Variants in WDR81 observed in about 807,000 individuals in gnomAD.
The protein encoded by WDR81 is WD repeat-containing protein 81.
Under a neutral mutation model 140.8 loss-of-function variants are expected in WDR81, and 92 were observed. That is an observed-to-expected ratio of 0.65 (90% confidence interval 0.55 to 0.78). WDR81 has a LOEUF of 0.78. Ranked by LOEUF, WDR81 falls within the 30% of genes least tolerant of loss-of-function variation. The probability of loss-of-function intolerance (pLI) is 0.00; values close to 1 mark genes in which losing one functional copy is unlikely to be tolerated. For synonymous variants in WDR81, 1,183 were observed against 1,156.4 expected (o/e 1.02, Z -0.47); for missense variants, 2,502 against 2,636.4 (o/e 0.95, Z 1.12).
Position 1,726,493 on chromosome 17 carries a change from C to T in WDR81, c.1534C>T (p.Leu512=). The T allele has an allele frequency of 6.4e-7, 1 of 1,550,554 alleles. No homozygotes were observed. The highest frequency in any genetic ancestry group is 8.7e-7 in the Non-Finnish European group (1 of 1,147,030). ...CTCCATCCACCCCGACATGCCTGACCTGGATGTGCCAGCCTGGTGCAGCTC... is the reference window on the plus strand; with the variant it reads ...CTCCATCCACCCCGACATGCCTGACTTGGATGTGCCAGCCTGGTGCAGCTC... ...FRSIHPDMPD[L]DVPAWCSSSQ... Residue 512 remains leucine (L), a synonymous_variant, in exon 1 of 10, where the codon CTG becomes TTG. Coordinates refer to ENST00000409644, the MANE Select transcript of WDR81 (RefSeq NM_001163809.2).
In WDR81 at chr17:1,727,112, G is replaced by T; in HGVS notation, c.2153G>T (p.Arg718Met). The change falls in exon 1 of 10, where the codon AGG (arginine) becomes ATG (methionine). Residue 718 changes from arginine (R) to methionine (M), a missense_variant. This residue lies in a region of WDR81 where 1,737 missense variants were observed against 1,843.0 expected (regional missense o/e 0.94). Coordinates refer to ENST00000409644, the MANE Select transcript of WDR81 (RefSeq NM_001163809.2). ...GACCCTGGGGAGGGTGAGGAGGGGA[G>T]GATTCTTCTTCCCGAGGGCTTCAAT... Reference protein sequence around the residue: ...GADPGEGEEGRILLPEGFNPM... With the variant: ...GADPGEGEEGMILLPEGFNPM... 1.3e-6 allele frequency: 2 copies of T among 1,547,290 alleles called. No individual in the cohort carries two copies. The highest frequency in any genetic ancestry group is 1.7e-6 in the Non-Finnish European group (2 of 1,144,756).
At chr17:1,719,789 G>A (rs1441139285), upstream of WDR81, among the ~76,000 whole-genome samples, 1 of 151,938 alleles carries the variant, frequency 6.6e-6, no homozygotes, top group Admixed American at 6.6e-5. Flanking sequence ...GATTGCTTGA[G>A]CTCAGGAGTT....
At chr17:1,716,740 C>G (rs1288093631) in intron 1 of WDR81, 1 of 1,271,054 alleles carries the variant, frequency 7.9e-7, no homozygotes, top group Non-Finnish European at 1.1e-6. Context: ...AGACATTCCC[C>G]AAACTGACTC....
Position 1,736,165 on chromosome 17 carries a change from G to T in WDR81, c.5452G>T (p.Gly1818Cys). The change falls in exon 9 of 10, where the codon GGC (glycine) becomes TGC (cysteine). Residue 1818 changes from glycine (G) to cysteine (C), a missense_variant. By Grantham distance (159) the Gly-to-Cys change is radical. Coordinates refer to ENST00000409644, the MANE Select transcript of WDR81 (RefSeq NM_001163809.2). ...CATGGTGCTCCTGGACACCCGCACA[G>T]GCCTGGTTCTGCGAGGCTGGCCAGC... The part of the protein sequence containing the change: ...GFMVLLDTRT[G>C]LVLRGWPAHE... The T allele has an allele frequency of 6.2e-7, 1 of 1,600,362 alleles. No homozygotes were observed. The highest frequency in any genetic ancestry group is 1.1e-5 in the South Asian group (1 of 91,076).
intron 9 of WDR81, among the ~76,000 whole-genome samples, 187 bp downstream of exon 9, chr17:1,736,405 G>T (rs923608536): frequency 1.3e-5 from 2 of 152,198 alleles, no homozygotes; most frequent in Non-Finnish European, 2.9e-5. Context: ...CACTGCAGGG[G>T]TCTCAGCAGG....
chr17:1,716,892 C>T, intron 1 of WDR81: 1 of 562,378 alleles, frequency 1.8e-6, no homozygotes. Context: ...GGAGGGTGCT[C>T]GCCTCGCCCA....
At position 1,733,481 on chromosome 17, in the gene WDR81, C is replaced by T. The variant is rs559785274; in HGVS notation, c.4490-46C>T. ...GAGTCCTTGGATGGGTGATAGCAGCCGCCTGCCATCTTCCCTGTCTCAGGA... is the reference window on the plus strand; with the variant it reads ...GAGTCCTTGGATGGGTGATAGCAGCTGCCTGCCATCTTCCCTGTCTCAGGA... On this transcript the variant is annotated intron_variant, in intron 6 of 9. Coordinates refer to ENST00000409644, the MANE Select transcript of WDR81 (RefSeq NM_001163809.2). The T allele has an allele frequency of 2.9e-5, 44 of 1,494,936 alleles. No homozygotes were observed. The East Asian group carries it at 5.9e-4, about 20-fold the overall frequency. 92.6% of individuals were successfully genotyped at this position (1,494,936 alleles called of 1,614,324 possible). A position where few individuals can be genotyped will look rare whatever the true frequency, so the allele number is the denominator to read the frequency against.
intron 1 of WDR81, among the ~76,000 whole-genome samples, chr17:1,719,588 G>A (rs1914758641): frequency 6.6e-6 from 1 of 151,482 alleles, no homozygotes; most frequent in African/African-American, 2.4e-5. Flanking sequence ...ATGTGGCCAG[G>A]CACAGTGGCT....
In WDR81 at chr17:1,734,190, C is replaced by T. The variant is rs758829733; in HGVS notation, c.5153C>T (p.Ala1718Val). The T allele has an allele frequency of 1.3e-6, 2 of 1,592,646 alleles. No homozygotes were observed. The highest frequency in any genetic ancestry group is 1.7e-5 in the Admixed American group (1 of 59,656). Reference protein sequence around the residue: ...APQHVVSCDGAVHVWDPFTGK... With the variant: ...APQHVVSCDGVVHVWDPFTGK... ...CAGCACGTGGTGAGCTGTGACGGGG[C>T]TGTGCACGTCTGGGACCCCTTCACA... Residue 1718 changes from alanine to valine, a missense_variant, in exon 7 of 10, where the codon GCT becomes GTT. Ala to Val is a moderately conservative substitution (Grantham distance 64). Coordinates refer to ENST00000409644, the MANE Select transcript of WDR81 (RefSeq NM_001163809.2).
chr17:1,727,603 A>G lies in WDR81; in HGVS notation c.2644A>G (p.Arg882Gly). ...PFPPYFPALH[R>G]FILLYQARRV... Reference sequence around the variant, plus strand: ...CCCACCCTACTTCCCGGCACTGCACAGATTCATCCTCCTGTACCAGGCAAG... The same window carrying G: ...CCCACCCTACTTCCCGGCACTGCACGGATTCATCCTCCTGTACCAGGCAAG... Residue 882 changes from arginine to glycine, a missense_variant, in exon 1 of 10, where the codon AGA (arginine) becomes GGA (glycine). This residue lies in a region of WDR81 where 1,737 missense variants were observed against 1,843.0 expected (regional missense o/e 0.94). Transcript: ENST00000409644. 1 of 1,550,548 alleles carries G rather than the reference A, an allele frequency of 6.4e-7. No individual in the cohort carries two copies. The highest frequency in any genetic ancestry group is 8.7e-7 in the Non-Finnish European group (1 of 1,147,026).
At position 1,725,513 on chromosome 17, in the gene WDR81, A is replaced by G. The variant is rs1056261613; in HGVS notation, c.554A>G (p.Tyr185Cys). 8 of 1,546,142 alleles carry G rather than the reference A, an allele frequency of 5.2e-6. No homozygotes were observed. The highest frequency in any genetic ancestry group is 2.7e-5 in the African/African-American group (2 of 73,030). ...GTACGGCAGGCTCTGCAGAGGGTCT[A>G]TGGTTGCTCCTTCCTGCCAGTGGGT... ...DSVRQALQRV[Y>C]GCSFLPVGET... Residue 185 changes from tyrosine (Y) to cysteine (C), a missense_variant, in exon 1 of 10, where the codon TAT (tyrosine) becomes TGT (cysteine). By Grantham distance (194) the Tyr-to-Cys change is radical. Coordinates refer to ENST00000409644, the MANE Select transcript of WDR81 (RefSeq NM_001163809.2).
intron 6 of WDR81, 121 bp downstream of exon 6, chr17:1,732,952 G>C (rs1904489800): frequency 1.5e-6 from 2 of 1,317,984 alleles, no homozygotes; most frequent in Non-Finnish European, 2.0e-6. Context: ...GGATGGGTGA[G>C]AGCAAAGGGA....
chr17:1,724,644 C>T (rs1370083854), upstream of WDR81: 2 of 1,023,752 alleles, frequency 2.0e-6, no homozygotes, highest in Non-Finnish European at 2.3e-6. Context: ...GGGGTCCCGC[C>T]CGGGCCTCTG....
intron 6 of WDR81, among the ~76,000 whole-genome samples, 169 bp from the exon 7 acceptor site, chr17:1,733,358 T>G (rs1418453505): frequency 1.3e-5 from 2 of 152,204 alleles, no homozygotes; most frequent in East Asian, 3.9e-4. Flanking sequence ...CACAACGGAA[T>G]GAATCCACAT....
At position 1,735,084 on chromosome 17, in the gene WDR81, C is replaced by T. The variant is rs1330518204; in HGVS notation, c.5180-488C>T. 6.6e-6 allele frequency among the ~76,000 whole-genome samples: 1 copy of T among 152,000 alleles called. No homozygotes were observed. The highest frequency in any genetic ancestry group is 2.4e-5 in the African/African-American group (1 of 41,376). ...CTGTAATCTCAGCACTCTGGGAGGC[C>T]AGGAGTTGGAGACCAGACTGGCTGA... On this transcript the variant is annotated intron_variant, in intron 7 of 9. Coordinates refer to ENST00000409644, the MANE Select transcript of WDR81 (RefSeq NM_001163809.2). The surrounding 1 kb of genome is among the most constrained non-coding windows in gnomAD (Gnocchi z 4.2).
chr17:1,736,481 G>A (rs1025271499), intron 9 of WDR81, among the ~76,000 whole-genome samples: 3 of 152,180 alleles, frequency 2.0e-5, no homozygotes, highest in Non-Finnish European at 4.4e-5. Context: ...GGCTGACCCT[G>A]TTGCTCATGG....
chr17:1,725,879 AGAGGCCCGAGGAGGACGAGAATGAG>A lies in WDR81; in HGVS notation c.928_952del (p.Glu310LeufsTer33). On this transcript the variant is annotated frameshift_variant, in exon 1 of 10. Transcript: ENST00000409644. LOFTEE classifies it high-confidence loss of function. ...CTGCGACTGGACCTGAGTGCTTATG[AGAGGCCCGAGGAGGACGAGAATGAG>A]GAGGCCCCTGTGGCAAGGGATGAGG... 6.4e-7 allele frequency: 1 copy of A among 1,550,862 alleles called. No individual in the cohort carries two copies. Among genetic ancestry groups the A allele is most frequent in the Non-Finnish European group, 8.7e-7 (1 of 1,146,946 alleles).
chr17:1,730,056 G>A (rs1915579171), intron 1 of WDR81, among the ~76,000 whole-genome samples: 1 of 152,164 alleles, frequency 6.6e-6, no homozygotes. Flanking sequence ...CGAGACCGAG[G>A]GAGTGGAGGG....
In WDR81 at chr17:1,725,091, G is replaced by C; in HGVS notation, c.132G>C (p.Gln44His). The change falls in exon 1 of 10, where the codon CAG (glutamine) becomes CAC (histidine). Residue 44 changes from glutamine (Q) to histidine (H), a missense_variant. Physicochemically the swap from Gln to His is conservative, Grantham distance 24. This residue lies in a region of WDR81 where 547 missense variants were observed against 513.8 expected (regional missense o/e 1.06). Transcript: ENST00000409644. Reference protein sequence around the residue: ...VERDLSIDPRQLAPAPGGTHV... With the variant: ...VERDLSIDPRHLAPAPGGTHV... Reference sequence around the variant, plus strand: ...GGGACCTGAGCATCGATCCCAGGCAGCTGGCTCCGGCCCCGGGGGGCACCC... The same window carrying C: ...GGGACCTGAGCATCGATCCCAGGCACCTGGCTCCGGCCCCGGGGGGCACCC... 2 of 1,500,612 alleles carry C rather than the reference G, an allele frequency of 1.3e-6. No homozygotes were observed. Among genetic ancestry groups the C allele is most frequent in the Non-Finnish European group, 1.8e-6 (2 of 1,125,364 alleles). The allele number at this position is 1,500,612 out of a possible 1,614,324, so 93.0% of individuals were successfully genotyped here.
Sources: gnomAD v4.1 joint callset for allele counts (sites outside exome capture counted in the v4.1 genomes callset) on GRCh38, gnomAD v4.1.1 for gene constraint, gnomAD v4.1.1 regional missense constraint, Gnocchi (gnomAD v3.1) non-coding constraint, MANE v1.5 for transcripts, NCBI Gene and HGNC (gene_info 2026-07-23, HGNC 2026-07-21) for gene names.